The following MRTFA variants were observed in gnomAD, a reference collection of about 807,000 sequenced individuals.
The protein encoded by MRTFA is myocardin-related transcription factor A.
Under a neutral mutation model 83.5 loss-of-function variants are expected in MRTFA, and 20 were observed. The observed-to-expected ratio is 0.24, with a 90% CI of 0.17 to 0.35. The LOEUF (loss-of-function observed/expected upper bound fraction) is 0.35, where lower values mean the gene tolerates loss of function less well. Among genes scored for constraint, MRTFA ranks in the 10% least tolerant of loss-of-function variants. MRTFA has a pLI of 1.00. For missense variants in MRTFA, 1,200 were observed against 1,224.7 expected, an observed-to-expected ratio of 0.98 and a Z score of 0.30; for synonymous variants, 659 against 541.2, an observed-to-expected ratio of 1.22 and a Z score of -3.02.
At chr22:40,445,052 A>G (rs937218235) in intron 4 of MRTFA, among the ~76,000 whole-genome samples, 1 of 152,198 alleles carries the variant, frequency 6.6e-6, no homozygotes, top group Non-Finnish European at 1.5e-5. Context: ...GGGCAACAGA[A>G]TAAGAGCCTG....
chr22:40,587,341 A>G (rs572145229), intron 2 of MRTFA: 36 of 427,788 alleles, frequency 8.4e-5, no homozygotes, highest in African/African-American at 7.2e-4. Flanking sequence ...TAATTCTAGG[A>G]ATGTTTCGGA....
intron 1 of MRTFA, among the ~76,000 whole-genome samples, chr22:40,617,134 A>C (rs926008372): frequency 1.5e-5 from 2 of 135,772 alleles, no homozygotes; most frequent in Non-Finnish European, 3.2e-5. Context: ...AGAAAGAGAG[A>C]GACGAGAGAA....
At chr22:40,507,180 C>A (rs986341331) in intron 3 of MRTFA, among the ~76,000 whole-genome samples, 1 of 152,004 alleles carries the variant, frequency 6.6e-6, no homozygotes, top group African/African-American at 2.4e-5. Flanking sequence ...GGCAACAAGG[C>A]AAAACCCCAT....
chr22:40,464,250 G>A lies in MRTFA; in HGVS notation c.242-964C>T, dbSNP rs150962146. Among the ~76,000 whole-genome samples, 658 of 135,808 alleles carry A rather than the reference G, an allele frequency of 4.8e-3. 6 individuals carry two copies. Among genetic ancestry groups the A allele is most frequent in the African/African-American group, 0.017 (620 of 36,242 alleles). 89.1% of individuals were successfully genotyped at this position (135,808 alleles called of 152,430 possible). ...TGGGAGGCGGAGGTTGCAGTGAGCCGAGATCACACTACTCTCTCTCACTCC... is the reference window on the plus strand; with the variant it reads ...TGGGAGGCGGAGGTTGCAGTGAGCCAAGATCACACTACTCTCTCTCACTCC... On this transcript the variant is annotated intron_variant, in intron 3 of 14. Transcript: ENST00000355630.
intron 3 of MRTFA, among the ~76,000 whole-genome samples, chr22:40,493,002 T>G (rs901292089): frequency 6.6e-6 from 1 of 152,206 alleles, no homozygotes; most frequent in Admixed American, 6.5e-5. Flanking sequence ...AGAGATAATA[T>G]ATTGGCACAA....
chr22:40,575,160 A>G (rs2055850401), intron 2 of MRTFA, among the ~76,000 whole-genome samples: 1 of 152,198 alleles, frequency 6.6e-6, no homozygotes, highest in African/African-American at 2.4e-5. Flanking sequence ...GTACCTACTA[A>G]CAAATTTACT....
Position 40,459,830 on chromosome 22 carries a change from C to CATATATATATATATATATATAT in MRTFA, c.307+3369_307+3390dup, listed in dbSNP as rs55885079. Among the ~76,000 whole-genome samples the CATATATATATATATATATATAT allele has an allele frequency of 4.9e-4, 43 of 86,924 alleles. 1 individual carries two copies. The highest frequency in any genetic ancestry group is 6.1e-4 in the Non-Finnish European group (29 of 47,350). 57.0% of individuals were successfully genotyped at this position (86,924 alleles called of 152,430 possible). ...ACACACACACACACACACATATATA[C>CATATATATATATATATATATAT]ATATATATATATATATATATATATA... On this transcript the variant is annotated intron_variant, in intron 4 of 14. Transcript: ENST00000355630.
chr22:40,562,797 A>T, intron 2 of MRTFA, among the ~76,000 whole-genome samples: 1 of 151,244 alleles, frequency 6.6e-6, no homozygotes, highest in South Asian at 2.1e-4. Context: ...GGTGAATAAC[A>T]GAAAAAACTT....
At chr22:40,509,610 A>T (rs2054634702) in intron 3 of MRTFA, among the ~76,000 whole-genome samples, 1 of 152,206 alleles carries the variant, frequency 6.6e-6, no homozygotes, top group African/African-American at 2.4e-5. Context: ...TCTCGGCCTG[A>T]ATTTTTGTTT....
chr22:40,487,218 C>T (rs1385180768), intron 3 of MRTFA, among the ~76,000 whole-genome samples: 2 of 152,118 alleles, frequency 1.3e-5, no homozygotes, highest in African/African-American at 4.8e-5. Flanking sequence ...TATCCCTTAC[C>T]TAAAATTTTC....
At chr22:40,473,023 C>T (rs2053940637) in intron 3 of MRTFA, among the ~76,000 whole-genome samples, 1 of 152,076 alleles carries the variant, frequency 6.6e-6, no homozygotes, top group Non-Finnish European at 1.5e-5. Flanking sequence ...AAGAACAACC[C>T]AATAAAGAGA....
At chr22:40,533,695 A>AG in intron 3 of MRTFA, 1 of 1,057,606 alleles carries the variant, frequency 9.5e-7, no homozygotes, top group Non-Finnish European at 1.2e-6. Context: ...AAGTCACAGG[A>AG]GAAAAGCTGT....
At chr22:40,469,631 T>A (rs1040034953) in intron 3 of MRTFA, among the ~76,000 whole-genome samples, 1 of 152,054 alleles carries the variant, frequency 6.6e-6, no homozygotes, top group Non-Finnish European at 1.5e-5. Flanking sequence ...AACAAACATA[T>A]AGAACACTCC....
rs546271057 is a variant in MRTFA at position 40,477,995 on chromosome 22, T to C, written c.242-14709A>G. On this transcript the variant is annotated intron_variant, in intron 3 of 14. Transcript: ENST00000355630. Reference sequence around the variant, plus strand: ...TTCATTATTAAAATCAAATATACAGTTGAGTGTTCAAAAAAAGCATGCTCC... The same window carrying C: ...TTCATTATTAAAATCAAATATACAGCTGAGTGTTCAAAAAAAGCATGCTCC... 3.3e-5 allele frequency among the ~76,000 whole-genome samples: 5 copies of C among 149,354 alleles called. No individual in the cohort carries two copies. In the East Asian group the frequency reaches 1.0e-3, roughly 30 times the overall value.
chr22:40,506,330 G>A (rs960474490), intron 3 of MRTFA, among the ~76,000 whole-genome samples: 1 of 152,152 alleles, frequency 6.6e-6, no homozygotes, highest in Non-Finnish European at 1.5e-5. Flanking sequence ...AATGTGATCT[G>A]CTTCCCACTG....
At chr22:40,613,132 GT>G (rs957580633) in intron 1 of MRTFA, among the ~76,000 whole-genome samples, 2 of 152,082 alleles carry the variant, frequency 1.3e-5, no homozygotes, top group African/African-American at 2.4e-5. Context: ...CACTCAACAT[GT>G]TTTTGAGATT....
intron 3 of MRTFA, among the ~76,000 whole-genome samples, chr22:40,480,274 ATT>A (rs372793419): frequency 1.4e-5 from 2 of 145,034 alleles, no homozygotes; most frequent in East Asian, 2.0e-4. Context: ...CTGTATGTTT[ATT>A]TTTTTTTTTT....
At chr22:40,511,462 T>A (rs1257063647) in intron 3 of MRTFA, among the ~76,000 whole-genome samples, 1 of 152,172 alleles carries the variant, frequency 6.6e-6, no homozygotes, top group Non-Finnish European at 1.5e-5. Flanking sequence ...AGTAAACAGG[T>A]CAGGGATATA....
At chr22:40,522,284 C>A (rs1020261929) in intron 3 of MRTFA, 12 of 152,170 alleles carry the variant, frequency 7.9e-5, no homozygotes, top group Non-Finnish European at 1.6e-4. Flanking sequence ...ATGACATAAT[C>A]CTGCCATTTC....
Sources: allele counts gnomAD v4.1 joint callset (sites outside exome capture counted in the v4.1 genomes callset), GRCh38; gene constraint gnomAD v4.1.1; transcripts MANE v1.5; gene names NCBI Gene and HGNC (gene_info 2026-07-23, HGNC 2026-07-21).